Variants in MAPRE2 observed in about 807,000 individuals in gnomAD.
MAPRE2 encodes microtubule-associated protein RP/EB family member 2.
In MAPRE2, 13 loss-of-function variants were observed where a neutral mutation model predicts 43.2. That is an observed-to-expected ratio of 0.30 (90% CI 0.20 to 0.48). The LOEUF (loss-of-function observed/expected upper bound fraction) is 0.48, where lower values mean the gene tolerates loss of function less well. Ranked by LOEUF, MAPRE2 falls within the 20% of genes least tolerant of loss-of-function variation. The pLI is 0.99. For missense variants in MAPRE2, 161 were observed against 400.2 expected (o/e 0.40, Z 5.10); for synonymous variants, 135 against 148.8 (o/e 0.91, Z 0.68).
At chr18:35,025,661 C>A (rs2097044723) in intron 2 of MAPRE2, among the ~76,000 whole-genome samples, 1 of 152,158 alleles carries the variant, frequency 6.6e-6, no homozygotes, top group Non-Finnish European at 1.5e-5. Flanking sequence ...AAATTGCCGT[C>A]CTCTCTGTAG....
At chr18:35,129,250 G>A (rs1910042370) in intron 5 of MAPRE2, among the ~76,000 whole-genome samples, 1 of 152,154 alleles carries the variant, frequency 6.6e-6, no homozygotes, top group South Asian at 2.1e-4. Flanking sequence ...GTGGTTCACT[G>A]TTGACGTTCC....
intron 1 of MAPRE2, among the ~76,000 whole-genome samples, chr18:35,051,658 G>A (rs9959252): frequency 0.038 from 5,779 of 152,252 alleles, 337 homozygotes; most frequent in African/African-American, 0.13. Context: ...TGCTTGAAGA[G>A]GCAGTGAGGT....
At chr18:35,052,215 G>A (rs369651653) in intron 1 of MAPRE2, among the ~76,000 whole-genome samples, 1 of 152,274 alleles carries the variant, frequency 6.6e-6, no homozygotes, top group African/African-American at 2.4e-5. Context: ...AAGACTCCTT[G>A]TACCCTTTGC....
chr18:35,138,112 C>T (rs1910469836), intron 6 of MAPRE2, among the ~76,000 whole-genome samples: 1 of 152,192 alleles, frequency 6.6e-6, no homozygotes, highest in South Asian at 2.1e-4. Flanking sequence ...AGAGGACCAG[C>T]CTCACATGTG....
At position 35,041,662 on chromosome 18, in the gene MAPRE2, G is replaced by C. The variant is rs1037156998; in HGVS notation, c.122+1G>C. 6.2e-7 allele frequency: 1 copy of C among 1,614,108 alleles called. No homozygotes were observed. The highest frequency in any genetic ancestry group is 1.3e-5 in the African/African-American group (1 of 74,960). On this transcript the variant is annotated splice_donor_variant, in intron 1 of 6. Transcript: ENST00000300249. LOFTEE classifies it high-confidence loss of function. ...CAGTGCGCGGGGAGCGTTCCTACAG[G>C]TAATGGGGCTGGCACGAGAGCAGCG...
intron 3 of MAPRE2, among the ~76,000 whole-genome samples, chr18:35,100,121 TCACA>T (rs962983066): frequency 6.6e-5 from 10 of 152,248 alleles, no homozygotes; most frequent in African/African-American, 2.4e-4. Flanking sequence ...ATTCACACAC[TCACA>T]CACACAATCT....
At chr18:34,995,222 C>G (rs1259729631) in intron 1 of MAPRE2, among the ~76,000 whole-genome samples, 1 of 152,132 alleles carries the variant, frequency 6.6e-6, no homozygotes, top group African/African-American at 2.4e-5. Flanking sequence ...CACTTTTAGG[C>G]AGAATAATGG....
At chr18:35,038,895 G>T (rs974623417), upstream of MAPRE2, among the ~76,000 whole-genome samples, 1 of 152,210 alleles carries the variant, frequency 6.6e-6, no homozygotes, top group Non-Finnish European at 1.5e-5. Context: ...CTTAGAGGAA[G>T]ATTTACGCGG....
chr18:35,113,477 CTA>C (rs772293876), intron 4 of MAPRE2, among the ~76,000 whole-genome samples: 2 of 151,898 alleles, frequency 1.3e-5, no homozygotes, highest in South Asian at 2.1e-4. Flanking sequence ...TAAAAAAAAA[CTA>C]GAGTGTTTTA....
intron 1 of MAPRE2, among the ~76,000 whole-genome samples, chr18:34,983,534 G>C (rs1474327234): frequency 6.6e-6 from 1 of 152,170 alleles, no homozygotes. Flanking sequence ...TTCAGATTTA[G>C]AAACTTTTTA....
intron 3 of MAPRE2, among the ~76,000 whole-genome samples, chr18:35,097,900 T>C (rs1908501461): frequency 6.6e-6 from 1 of 152,232 alleles, no homozygotes; most frequent in Non-Finnish European, 1.5e-5. Flanking sequence ...CTGTGGTTCT[T>C]TGTATTTTGT....
At chr18:35,115,297 T>C (rs1197692081) in intron 4 of MAPRE2, among the ~76,000 whole-genome samples, 1 of 152,208 alleles carries the variant, frequency 6.6e-6, no homozygotes, top group Non-Finnish European at 1.5e-5. Context: ...TTCCATCACC[T>C]GAGAAGCCCC....
intron 4 of MAPRE2, among the ~76,000 whole-genome samples, chr18:35,119,437 T>C (rs1303408076): frequency 6.6e-6 from 1 of 152,246 alleles, no homozygotes; most frequent in Admixed American, 6.5e-5. Flanking sequence ...TTTATGTTAT[T>C]ATTTATTGTC....
intron 6 of MAPRE2, among the ~76,000 whole-genome samples, chr18:35,132,757 G>A (rs1910215235): frequency 6.6e-6 from 1 of 152,218 alleles, no homozygotes; most frequent in Non-Finnish European, 1.5e-5. Context: ...ATTCACAAGT[G>A]CTGATGGAGA....
chr18:34,991,310 A>G (rs780512272), intron 1 of MAPRE2, among the ~76,000 whole-genome samples: 4 of 151,896 alleles, frequency 2.6e-5, no homozygotes, highest in East Asian at 3.9e-4. Flanking sequence ...AGTGTGCATC[A>G]TTTGGTTTTC....
chr18:35,034,711 A>G (rs1270358437), intron 2 of MAPRE2, among the ~76,000 whole-genome samples: 3 of 152,260 alleles, frequency 2.0e-5, no homozygotes, highest in Non-Finnish European at 2.9e-5. Context: ...GGACATGAAC[A>G]GACACTTCTC....
At position 35,093,678 on chromosome 18, in the gene MAPRE2, TA is replaced by T. The variant is rs568189992; in HGVS notation, c.251-3767del. On this transcript the variant is annotated intron_variant, in intron 2 of 6. Coordinates refer to ENST00000300249, the MANE Select transcript of MAPRE2 (RefSeq NM_014268.4). ...AATAAGCCAGGCACAGAAAGACAAA[TA>T]CTGCATGATCTTCCTCATGTGGAAT... is the stretch of plus-strand genomic sequence containing the variant. 1.7e-3 allele frequency among the ~76,000 whole-genome samples: 260 copies of T among 152,276 alleles called. 1 individual carries two copies. Among genetic ancestry groups the T allele is most frequent in the South Asian group, 8.5e-3 (41 of 4,824 alleles).
In MAPRE2 at chr18:35,097,504, A is replaced by G; in HGVS notation, c.309A>G (p.Lys103=). The G allele has an allele frequency of 6.2e-7, 1 of 1,613,984 alleles. No homozygotes were observed. The highest frequency in any genetic ancestry group is 1.7e-4 in the Middle Eastern group (1 of 6,058). ...MLFPGCISLK[K]VKFQAKLEHE... is the part of the protein sequence containing the mutation. ...TCCCTGGCTGCATTAGTTTGAAGAA[A>G]GTAAAATTTCAAGCAAAGCTGGAAC... Residue 103 remains lysine (K), a synonymous_variant, in exon 3 of 7, where the codon AAA becomes AAG. Transcript: ENST00000300249.
intron 1 of MAPRE2, among the ~76,000 whole-genome samples, chr18:34,998,768 T>G (rs956770232): frequency 6.8e-6 from 1 of 146,108 alleles, no homozygotes; most frequent in Admixed American, 6.9e-5. Context: ...TGGCCGAAGT[T>G]GCAATTTTTT....
Sources: gnomAD v4.1 joint callset for allele counts (sites outside exome capture counted in the v4.1 genomes callset) on GRCh38, gnomAD v4.1.1 for gene constraint, MANE v1.5 for transcripts, NCBI Gene and HGNC (gene_info 2026-07-23, HGNC 2026-07-21) for gene names.